Variants in CEP112 observed in about 807,000 individuals in gnomAD.
The protein encoded by CEP112 is centrosomal protein 112.
In CEP112, 127 loss-of-function variants were observed where a neutral mutation model predicts 153.0. The observed-to-expected ratio is 0.83, with a 90% CI of 0.72 to 0.96. The LOEUF is 0.96. CEP112 is among the 40% of genes least tolerant of loss of function. CEP112 has a pLI of 0.00. For synonymous variants in CEP112, 358 were observed against 374.4 expected (o/e 0.96, Z 0.51); for missense variants, 1,089 against 1,101.2 (o/e 0.99, Z 0.16).
At chr17:66,145,738 A>G (rs991896920) in intron 4 of CEP112, among the ~76,000 whole-genome samples, 2 of 152,108 alleles carry the variant, frequency 1.3e-5, no homozygotes, top group African/African-American at 4.8e-5. Flanking sequence ...TTTTAAGCCT[A>G]AAAATCAGGA....
intron 21 of CEP112, among the ~76,000 whole-genome samples, chr17:65,819,782 G>A (rs551348682): frequency 1.3e-5 from 2 of 152,046 alleles, no homozygotes; most frequent in East Asian, 1.9e-4. Context: ...CTTCAAAAGC[G>A]TCAAAGTCAT....
At chr17:65,991,299 C>T (rs1456584244) in intron 17 of CEP112, among the ~76,000 whole-genome samples, 1 of 152,130 alleles carries the variant, frequency 6.6e-6, no homozygotes, top group Non-Finnish European at 1.5e-5. Context: ...TTCCCTCTTG[C>T]TCCCCAACTC....
intron 4 of CEP112, among the ~76,000 whole-genome samples, chr17:66,142,528 A>G (rs2070746747): frequency 6.6e-6 from 1 of 152,130 alleles, no homozygotes; most frequent in Non-Finnish European, 1.5e-5. Context: ...ATTTTTGTGT[A>G]TGGTGCAAGA....
chr17:65,690,425 C>CAA (rs67648497), intron 23 of CEP112, among the ~76,000 whole-genome samples: 3,433 of 76,294 alleles, frequency 0.045, 295 homozygotes, highest in African/African-American at 0.1. Flanking sequence ...GACCCTGTCT[C>CAA]AAAAAAAAAA....
intron 21 of CEP112, among the ~76,000 whole-genome samples, chr17:65,826,826 CTGAG>C (rs1444423421): frequency 3.9e-5 from 6 of 152,172 alleles, no homozygotes; most frequent in Non-Finnish European, 8.8e-5. Context: ...ATGATTAATA[CTGAG>C]TGTCAACTTG....
chr17:65,762,642 A>G (rs951598845), intron 21 of CEP112, among the ~76,000 whole-genome samples: 2 of 151,956 alleles, frequency 1.3e-5, no homozygotes, highest in African/African-American at 4.8e-5. Flanking sequence ...ATTTATAAAT[A>G]ATCCAATTCC....
chr17:65,845,303 G>A (rs1300975112), intron 21 of CEP112, among the ~76,000 whole-genome samples: 2 of 152,048 alleles, frequency 1.3e-5, no homozygotes, highest in East Asian at 1.9e-4. Flanking sequence ...TGGGCAACAA[G>A]AGCAAAACTC....
intron 19 of CEP112, among the ~76,000 whole-genome samples, chr17:65,919,986 C>A (rs1270727285): frequency 6.6e-6 from 1 of 151,956 alleles, no homozygotes; most frequent in Non-Finnish European, 1.5e-5. Context: ...GCCATTTACT[C>A]AAATGGATGT....
chr17:65,650,272 G>T (rs72841587), intron 24 of CEP112, among the ~76,000 whole-genome samples: 6 of 152,122 alleles, frequency 3.9e-5, no homozygotes, highest in Non-Finnish European at 5.9e-5. Context: ...CACCCAGGGG[G>T]AGGGAGCTTG....
intron 23 of CEP112, among the ~76,000 whole-genome samples, chr17:65,720,575 T>G (rs1474275362): frequency 4.6e-5 from 7 of 152,116 alleles, no homozygotes; most frequent in Non-Finnish European, 8.8e-5. Flanking sequence ...GGAAGAGCAG[T>G]TTCTGTGGAT....
intron 8 of CEP112, among the ~76,000 whole-genome samples, chr17:66,076,918 T>C (rs186083883): frequency 6.6e-6 from 1 of 152,076 alleles, no homozygotes; most frequent in Admixed American, 6.5e-5. Flanking sequence ...CGGAGCCAGG[T>C]AGACTCGCTG....
At chr17:66,052,814 A>G (rs1413630588) in intron 12 of CEP112, among the ~76,000 whole-genome samples, 1 of 152,200 alleles carries the variant, frequency 6.6e-6, no homozygotes, top group African/African-American at 2.4e-5. Flanking sequence ...AAAAAAAGAT[A>G]GAAAAGAAAT....
At chr17:65,666,036 A>C (rs1296713787) in intron 24 of CEP112, among the ~76,000 whole-genome samples, 1 of 152,200 alleles carries the variant, frequency 6.6e-6, no homozygotes, top group Non-Finnish European at 1.5e-5. Context: ...CTGATCACTC[A>C]AAACTTGCCT....
intron 3 of CEP112, among the ~76,000 whole-genome samples, chr17:66,176,053 T>C (rs1188212934): frequency 2.0e-5 from 3 of 152,220 alleles, no homozygotes; most frequent in African/African-American, 7.2e-5. Context: ...ACTTTTGGCA[T>C]TGTGCCATGG....
chr17:66,117,903 G>GA (rs971350450), intron 6 of CEP112, among the ~76,000 whole-genome samples: 7 of 152,110 alleles, frequency 4.6e-5, no homozygotes, highest in South Asian at 2.1e-4. Flanking sequence ...GCAGGTATAT[G>GA]AAAAAAATAC....
chr17:65,776,514 C>T (rs2053689621), intron 21 of CEP112, among the ~76,000 whole-genome samples: 1 of 152,192 alleles, frequency 6.6e-6, no homozygotes, highest in Non-Finnish European at 1.5e-5. Context: ...CGTGAGCCAC[C>T]GTGCCCGGCC....
chr17:65,647,562 A>G (rs1169343371), intron 24 of CEP112, among the ~76,000 whole-genome samples: 2 of 130,166 alleles, frequency 1.5e-5, no homozygotes, highest in African/African-American at 5.9e-5. Flanking sequence ...TGCAGCCTCA[A>G]CCTCCCGAGG....
intron 17 of CEP112, among the ~76,000 whole-genome samples, chr17:65,977,174 T>C (rs1013171777): frequency 2.6e-5 from 4 of 152,208 alleles, no homozygotes; most frequent in African/African-American, 9.6e-5. Context: ...CTGCTATGCA[T>C]GGTTGCGTTT....
chr17:65,909,849 G>T (rs564732608), intron 19 of CEP112, among the ~76,000 whole-genome samples: 2 of 152,276 alleles, frequency 1.3e-5, no homozygotes, highest in East Asian at 3.9e-4. Flanking sequence ...AGTAGAACTG[G>T]TAAGTTGAAA....
Sources: allele counts gnomAD v4.1 joint callset (sites outside exome capture counted in the v4.1 genomes callset), GRCh38; gene constraint gnomAD v4.1.1; transcripts MANE v1.5; gene names NCBI Gene and HGNC (gene_info 2026-07-23, HGNC 2026-07-21).